The following TSHR variants were observed in gnomAD, a reference collection of about 807,000 sequenced individuals.
TSHR encodes the protein thyroid stimulating hormone receptor, also known as thyrotropin receptor.
TSHR carries 51 observed loss-of-function variants against 64.1 expected under a neutral mutation model. The observed-to-expected ratio is 0.80, with a 90% CI of 0.64 to 1.01. TSHR has a LOEUF of 1.01. Ranked by LOEUF, TSHR falls within the 50% of genes least tolerant of loss-of-function variation. The probability of loss-of-function intolerance (pLI) is 0.00; values close to 1 mark genes in which losing one functional copy is unlikely to be tolerated. For missense variants in TSHR, 877 were observed against 942.8 expected (o/e 0.93, Z 0.91); for synonymous variants, 361 against 361.9 (o/e 1.00, Z 0.03).
At chr14:81,101,100 G>A (rs1011369419) in intron 7 of TSHR, among the ~76,000 whole-genome samples, 2 of 152,128 alleles carry the variant, frequency 1.3e-5, no homozygotes, top group African/African-American at 4.8e-5. Context: ...AAAGACACTT[G>A]TCACTCTGGA....
rs572014971 is a variant in TSHR at position 81,071,466 on chromosome 14, A to T, written c.317+3138A>T. On this transcript the variant is annotated intron_variant, in intron 3 of 9. Transcript: ENST00000298171. ...TTTTCAAGTGTTTCTTTAATGTAAA[A>T]TTTTTTTACCGTCATTGTTTCTTTT... Among the ~76,000 whole-genome samples the T allele has an allele frequency of 1.8e-3, 269 of 151,952 alleles. 1 individual carries two copies. Among genetic ancestry groups the T allele is most frequent in the Middle Eastern group, 0.014 (4 of 294 alleles).
chr14:81,139,238 T>C (rs557744201), intron 8 of TSHR, among the ~76,000 whole-genome samples: 1 of 152,316 alleles, frequency 6.6e-6, no homozygotes, highest in East Asian at 1.9e-4. Context: ...TGTTGATTCA[T>C]ATCAGTGAGC....
At chr14:81,090,626 G>A (rs1386088119) in intron 4 of TSHR, among the ~76,000 whole-genome samples, 1 of 152,110 alleles carries the variant, frequency 6.6e-6, no homozygotes, top group African/African-American at 2.4e-5. Flanking sequence ...CAAAATAACA[G>A]CATAATATCA....
At chr14:81,061,904 A>G (rs1886272586) in intron 1 of TSHR, among the ~76,000 whole-genome samples, 1 of 152,152 alleles carries the variant, frequency 6.6e-6, no homozygotes, top group Admixed American at 6.6e-5. Flanking sequence ...GTTTACTGCT[A>G]ATTCATAGAT....
intron 1 of TSHR, among the ~76,000 whole-genome samples, chr14:80,970,076 C>A (rs1387794178): frequency 6.6e-6 from 1 of 152,204 alleles, no homozygotes; most frequent in Non-Finnish European, 1.5e-5. Context: ...GGCTGTAATG[C>A]AGCAGTAGTT....
intron 3 of TSHR, among the ~76,000 whole-genome samples, chr14:81,078,422 C>G (rs1431158019): frequency 6.6e-6 from 1 of 151,870 alleles, no homozygotes; most frequent in Non-Finnish European, 1.5e-5. Flanking sequence ...TGTTTTTTCC[C>G]CTCTGGTTAC....
intron 1 of TSHR, among the ~76,000 whole-genome samples, chr14:81,031,050 T>C: frequency 6.6e-6 from 1 of 152,174 alleles, no homozygotes; most frequent in Non-Finnish European, 1.5e-5. Context: ...TTGCCTCAAT[T>C]AATAAAACAG....
chr14:80,982,398 T>C, intron 1 of TSHR: 2 of 1,246,112 alleles, frequency 1.6e-6, no homozygotes, highest in Non-Finnish European at 2.2e-6. Context: ...GTGCTAAGAA[T>C]GATAAACCTG....
At chr14:80,977,546 G>A (rs1355238884) in intron 1 of TSHR, among the ~76,000 whole-genome samples, 1 of 152,208 alleles carries the variant, frequency 6.6e-6, no homozygotes, top group Non-Finnish European at 1.5e-5. Flanking sequence ...ACTGCAGATG[G>A]TGTGGACTCA....
chr14:81,039,647 C>G (rs1754964413), intron 1 of TSHR, among the ~76,000 whole-genome samples: 1 of 151,670 alleles, frequency 6.6e-6, no homozygotes, highest in Non-Finnish European at 1.5e-5. Context: ...AATCAACATA[C>G]AAAAATCAGT....
intron 1 of TSHR, chr14:80,982,444 C>T (rs1888222597): frequency 8.5e-7 from 1 of 1,182,738 alleles, no homozygotes; most frequent in Non-Finnish European, 1.2e-6. Context: ...GGAGTTGGAG[C>T]CTGTGACTGG....
chr14:81,088,142 G>GTA (rs1762185269), intron 4 of TSHR, 114 bp downstream of exon 4: 5 of 855,950 alleles, frequency 5.8e-6, no homozygotes, highest in Non-Finnish European at 9.8e-6. Context: ...TTTTAATGGT[G>GTA]TATAGCCTGG....
At chr14:81,096,176 G>T (rs533812991) in intron 6 of TSHR, among the ~76,000 whole-genome samples, 1 of 152,060 alleles carries the variant, frequency 6.6e-6, no homozygotes, top group East Asian at 1.9e-4. Flanking sequence ...TAAAAAGATG[G>T]ATAAAATACA....
chr14:81,001,602 C>G (rs532816054), intron 1 of TSHR: 10 of 524,924 alleles, frequency 1.9e-5, no homozygotes, highest in South Asian at 1.4e-4. Context: ...ACTACCAACT[C>G]CCCCATTGTA....
intron 7 of TSHR, among the ~76,000 whole-genome samples, chr14:81,105,874 G>A (rs1240050747): frequency 6.6e-6 from 1 of 152,146 alleles, no homozygotes; most frequent in Non-Finnish European, 1.5e-5. Context: ...AATACAAAAA[G>A]AGATGCAAGC....
intron 1 of TSHR, among the ~76,000 whole-genome samples, chr14:80,977,810 A>G (rs1369876629): frequency 3.3e-5 from 5 of 152,226 alleles, no homozygotes; most frequent in African/African-American, 1.2e-4. Context: ...ATTCAATTCA[A>G]TGAATAAATC....
chr14:81,097,845 A>G (rs116286237), intron 7 of TSHR, among the ~76,000 whole-genome samples: 1,578 of 152,286 alleles, frequency 0.01, 29 homozygotes, highest in African/African-American at 0.035. Context: ...TCTTTATGAA[A>G]TGAAGAGTTA....
chr14:81,059,719 T>C (rs1005802874), intron 1 of TSHR, among the ~76,000 whole-genome samples: 3 of 152,148 alleles, frequency 2.0e-5, no homozygotes, highest in African/African-American at 7.2e-5. Context: ...ACATAATCCT[T>C]ATTGGTCTAT....
chr14:81,057,873 A>T (rs1203133361), intron 1 of TSHR, among the ~76,000 whole-genome samples: 4 of 152,244 alleles, frequency 2.6e-5, no homozygotes, highest in African/African-American at 9.6e-5. Context: ...GTCATGAGGT[A>T]GGGGCTATAG....
Sources: gnomAD v4.1 joint callset for allele counts (sites outside exome capture counted in the v4.1 genomes callset) on GRCh38, gnomAD v4.1.1 for gene constraint, MANE v1.5 for transcripts, NCBI Gene and HGNC (gene_info 2026-07-23, HGNC 2026-07-21) for gene names.